Variants in APC observed in about 807,000 individuals in gnomAD.
The protein encoded by APC is adenomatous polyposis coli protein.
Under a neutral mutation model 247.0 loss-of-function variants are expected in APC, and 72 were observed. That is an observed-to-expected ratio of 0.29 (90% CI 0.24 to 0.35). The LOEUF (loss-of-function observed/expected upper bound fraction) is 0.35. Ranked by LOEUF, APC falls within the 10% of genes least tolerant of loss-of-function variation. The pLI is 1.00. For missense variants in APC, 3,400 were observed against 3,360.7 expected, an observed-to-expected ratio of 1.01 and a Z score of -0.29; for synonymous variants, 1,254 against 1,162.5, an observed-to-expected ratio of 1.08 and a Z score of -1.60.
intron 1 of APC, among the ~76,000 whole-genome samples, chr5:112,724,200 C>T (rs1326266071): frequency 6.6e-6 from 1 of 152,002 alleles, no homozygotes; most frequent in East Asian, 1.9e-4. Flanking sequence ...TTCATCCACT[C>T]AACAAATAAT....
intron 8 of APC, among the ~76,000 whole-genome samples, chr5:112,804,465 C>G (rs1761156553): frequency 6.6e-6 from 1 of 152,152 alleles, no homozygotes; most frequent in Non-Finnish European, 1.5e-5. Flanking sequence ...TCACTATAAC[C>G]TCCACCTCCT....
At chr5:112,829,019 CT>C (rs750436630) in intron 14 of APC, 47 bp downstream of exon 14, 48 of 1,288,408 alleles carry the variant, frequency 3.7e-5, no homozygotes, top group East Asian at 7.0e-5. Flanking sequence ...TCATGTTTGG[CT>C]TTTTTTTGCT....
chr5:112,846,040 A>G lies in APC; in HGVS notation c.*1914A>G, dbSNP rs913903102. On this transcript the variant is annotated 3_prime_UTR_variant, in exon 16 of 16. Transcript: ENST00000257430. ...TTTTAAAGCTAAAATGCCAGTAAAT[A>G]AAAGTGCTATGACTTGAGCTAAGAT... The G allele has an allele frequency of 8.6e-6, 2 of 232,146 alleles. No individual in the cohort carries two copies. Among genetic ancestry groups the G allele is most frequent in the African/African-American group, 4.4e-5 (2 of 45,296 alleles). 14.4% of individuals were successfully genotyped at this position (232,146 alleles called of 1,614,324 possible). A position where few individuals can be genotyped will look rare whatever the true frequency, so the allele number is the denominator to read the frequency against.
chr5:112,726,768 A>G (rs1474497899), intron 1 of APC, among the ~76,000 whole-genome samples: 1 of 152,146 alleles, frequency 6.6e-6, no homozygotes, highest in Non-Finnish European at 1.5e-5. Context: ...TTCTGCTTGT[A>G]TAAAAGGTGT....
intron 1 of APC, among the ~76,000 whole-genome samples, chr5:112,708,481 A>G (rs1309880362): frequency 6.6e-6 from 1 of 152,132 alleles, no homozygotes; most frequent in Non-Finnish European, 1.5e-5. Context: ...GGCTGTAGGA[A>G]ATCTTTGGTC....
intron 6 of APC, among the ~76,000 whole-genome samples, chr5:112,782,622 A>C (rs1362429329): frequency 6.6e-6 from 1 of 152,032 alleles, no homozygotes; most frequent in South Asian, 2.1e-4. Flanking sequence ...TCTTGCCCCT[A>C]TCCCAGTCAG....
chr5:112,755,928 A>G (rs1189815789), intron 2 of APC, among the ~76,000 whole-genome samples: 1 of 151,644 alleles, frequency 6.6e-6, no homozygotes, highest in Non-Finnish European at 1.5e-5. Flanking sequence ...TGGGCAATAT[A>G]GCAAGACCCC....
Position 112,822,288 on chromosome 5 carries a change from A to C in APC, c.1408+297A>C, listed in dbSNP as rs943091675. Among the ~76,000 whole-genome samples, 213 of 152,314 alleles carry C rather than the reference A, an allele frequency of 1.4e-3. 3 individuals carry two copies. Among genetic ancestry groups the C allele is most frequent in the African/African-American group, 5.0e-3 (208 of 41,584 alleles). On this transcript the variant is annotated intron_variant, in intron 11 of 15. Transcript: ENST00000257430. Reference sequence around the variant, plus strand: ...GGGTCACTCTTTGTCCCTTTTGCCAAAGTAGACTCTATATGTGCCAGCTGA... The same window carrying C: ...GGGTCACTCTTTGTCCCTTTTGCCACAGTAGACTCTATATGTGCCAGCTGA...
intron 9 of APC, among the ~76,000 whole-genome samples, chr5:112,816,039 C>T (rs919099982): frequency 5.9e-5 from 9 of 152,234 alleles, no homozygotes; most frequent in African/African-American, 2.2e-4. Flanking sequence ...TTTACATCCA[C>T]TTTTCTGCAA....
chr5:112,841,770 A>G lies in APC; in HGVS notation c.6176A>G (p.Asp2059Gly), dbSNP rs775292977. 3 of 1,614,100 alleles carry G rather than the reference A, an allele frequency of 1.9e-6. No individual in the cohort carries two copies. The highest frequency in any genetic ancestry group is 2.2e-5 in the South Asian group (2 of 91,082). The change falls in exon 16 of 16, where the codon GAT (aspartate) becomes GGT (glycine). Residue 2059 changes from aspartate (D) to glycine (G), a missense_variant. Asp to Gly is a moderately conservative substitution (Grantham distance 94). Transcript: ENST00000257430. This position sits in a 1 kb window ranked among gnomAD's most constrained non-coding sequence, Gnocchi z 4.6. ...AAAAAGCCTTCAAGACTCAAGGGTG[A>G]TAATGAAAAACATAGTCCCAGAAAT... Reference protein sequence around the residue: ...KKKKPSRLKGDNEKHSPRNMG... With the variant: ...KKKKPSRLKGGNEKHSPRNMG...
At position 112,841,187 on chromosome 5, in the gene APC, C is replaced by T. The variant is rs1064794887; in HGVS notation, c.5593C>T (p.Leu1865=). The T allele has an allele frequency of 6.2e-7, 1 of 1,613,850 alleles. No homozygotes were observed. The change falls in exon 16 of 16, where the codon CTA becomes TTA. Residue 1865 remains leucine, a synonymous_variant. Coordinates refer to ENST00000257430, the MANE Select transcript of APC (RefSeq NM_000038.6). This position sits in a 1 kb window ranked among gnomAD's most constrained non-coding sequence, Gnocchi z 4.6. ...CFSRNDSLSS[L]DFDDDDVDLS... ...TTCACGAAATGATTCTTTGAGTTCT[C>T]TAGATTTTGATGATGATGATGTTGA... is the stretch of plus-strand genomic sequence containing the variant.
At position 112,839,614 on chromosome 5, in the gene APC, T is replaced by C. The variant is rs746379898; in HGVS notation, c.4020T>C (p.Ser1340=). Residue 1340 remains serine (S), a synonymous_variant, in exon 16 of 16, where the codon TCT becomes TCC. Transcript: ENST00000257430. This position sits in a 1 kb window ranked among gnomAD's most constrained non-coding sequence, Gnocchi z 5.0. ...CCAAATCCAGCAGACTGCAGGGTTC[T>C]AGTTTATCTTCAGAATCAGCCAGGC... The part of the protein sequence containing the change: ...PRTKSSRLQG[S]SLSSESARHK... 1.5e-5 allele frequency: 25 copies of C among 1,614,170 alleles called. No homozygotes were observed. Among genetic ancestry groups the C allele is most frequent in the Non-Finnish European group, 2.0e-5 (24 of 1,180,024 alleles).
Position 112,837,602 on chromosome 5 carries a change from A to G in APC, c.2008A>G (p.Lys670Glu), listed in dbSNP as rs1765088770. 1.9e-6 allele frequency: 3 copies of G among 1,612,570 alleles called. No homozygotes were observed. The highest frequency in any genetic ancestry group is 2.5e-6 in the Non-Finnish European group (3 of 1,178,720). Residue 670 changes from lysine (K) to glutamate (E), a missense_variant, in exon 16 of 16, where the codon AAA becomes GAA. Physicochemically the swap from Lys to Glu is moderately conservative, Grantham distance 56. Coordinates refer to ENST00000257430, the MANE Select transcript of APC (RefSeq NM_000038.6). ...NCLQTLLQHL[K>E]SHSLTIVSNA... ...TCTACAAACTTTATTACAACACTTA[A>G]AATCTCATAGTTTGACAATAGTCAG...
chr5:112,843,389 A>C lies in APC; in HGVS notation c.7795A>C (p.Lys2599Gln). 6.2e-7 allele frequency: 1 copy of C among 1,613,592 alleles called. No homozygotes were observed. The highest frequency in any genetic ancestry group is 8.5e-7 in the Non-Finnish European group (1 of 1,179,716). The part of the protein sequence containing the change: ...EKHVNSISGT[K>Q]QSKENQVSAK... ...ACATGTGAACTCTATTTCAGGAACC[A>C]AACAAAGTAAAGAAAACCAAGTATC... The change falls in exon 16 of 16, where the codon AAA becomes CAA. Residue 2599 changes from lysine to glutamine, a missense_variant. Physicochemically the swap from Lys to Gln is moderately conservative, Grantham distance 53. This residue lies in a region of APC where 1,788 missense variants were observed against 1,649.5 expected (regional missense o/e 1.08). Transcript: ENST00000257430. This position sits in a 1 kb window ranked among gnomAD's most constrained non-coding sequence, Gnocchi z 4.8.
intron 7 of APC, among the ~76,000 whole-genome samples, chr5:112,799,879 C>T (rs991117213): frequency 2.0e-5 from 3 of 152,118 alleles, no homozygotes; most frequent in Non-Finnish European, 2.9e-5. Context: ...GAACACTCAT[C>T]CTCTACTCCT....
At position 112,780,795 on chromosome 5, in the gene APC, C is replaced by A. The variant is rs149736402; in HGVS notation, c.537C>A (p.Ser179=). The A allele has an allele frequency of 1.9e-6, 3 of 1,608,140 alleles. No individual in the cohort carries two copies. Among genetic ancestry groups the A allele is most frequent in the Non-Finnish European group, 2.6e-6 (3 of 1,175,336 alleles). Residue 179 remains serine, a synonymous_variant, in exon 6 of 16, where the codon TCC becomes TCA. Coordinates refer to ENST00000257430, the MANE Select transcript of APC (RefSeq NM_000038.6). ...TTTATTATTTGTGGTTTTAGTTTTC[C>A]TTACAAACAGATATGACCAGAAGGC... is the stretch of plus-strand genomic sequence containing the variant. ...IDSLPLTENF[S]LQTDMTRRQL... is the part of the protein sequence containing the mutation.
chr5:112,801,677 T>C (rs1760848219), intron 8 of APC, among the ~76,000 whole-genome samples: 2 of 152,284 alleles, frequency 1.3e-5, no homozygotes, highest in South Asian at 4.1e-4. Flanking sequence ...TGATTATGTA[T>C]ATGATTTGAC....
chr5:112,786,071 A>T lies in APC; in HGVS notation c.645+5168A>T, dbSNP rs183523857. ...ATAAGAATTCCTACAAATGAATAAGAAAAAGACAACCCTGTGTTTTTGTTT... is the reference window on the plus strand; with the variant it reads ...ATAAGAATTCCTACAAATGAATAAGTAAAAGACAACCCTGTGTTTTTGTTT... On this transcript the variant is annotated intron_variant, in intron 6 of 15. Transcript: ENST00000257430. Among the ~76,000 whole-genome samples the T allele has an allele frequency of 3.9e-3, 600 of 152,344 alleles. 7 individuals are homozygous for T. Among genetic ancestry groups the T allele is most frequent in the Non-Finnish European group, 1.7e-3 (117 of 68,030 alleles).
At chr5:112,787,897 C>T (rs191764113) in intron 6 of APC, among the ~76,000 whole-genome samples, 1 of 152,100 alleles carries the variant, frequency 6.6e-6, no homozygotes, top group Non-Finnish European at 1.5e-5. Context: ...GTTGTGGAGG[C>T]AGGAATCTAA....
Sources: gnomAD v4.1 joint callset for allele counts (sites outside exome capture counted in the v4.1 genomes callset) on GRCh38, gnomAD v4.1.1 for gene constraint, gnomAD v4.1.1 regional missense constraint, Gnocchi (gnomAD v3.1) non-coding constraint, MANE v1.5 for transcripts, NCBI Gene and HGNC (gene_info 2026-07-23, HGNC 2026-07-21) for gene names.